Variants in GALNT17 observed in about 807,000 individuals in gnomAD.
GALNT17 encodes polypeptide N-acetylgalactosaminyltransferase 17, also known as UDP-GalNAc:polypeptide N-acetylgalactosaminyltransferase-like 3.
Under a neutral mutation model 63.7 loss-of-function variants are expected in GALNT17, and 29 were observed. That is an observed-to-expected ratio of 0.46 (90% CI 0.34 to 0.62). The LOEUF is 0.62. Among genes scored for constraint, GALNT17 ranks in the 20% least tolerant of loss-of-function variants. GALNT17 has a pLI of 0.01. For missense variants in GALNT17, 603 were observed against 799.6 expected, an observed-to-expected ratio of 0.75 and a Z score of 2.97; for synonymous variants, 305 against 318.3, an observed-to-expected ratio of 0.96 and a Z score of 0.45.
chr7:71,403,840 G>T (rs982726524), intron 3 of GALNT17, among the ~76,000 whole-genome samples: 2 of 152,124 alleles, frequency 1.3e-5, no homozygotes, highest in Admixed American at 1.3e-4. Flanking sequence ...GTTCTGTTTT[G>T]CTCTCTCTTT....
chr7:71,633,069 A>ACT (rs538797586), intron 6 of GALNT17, among the ~76,000 whole-genome samples: 57 of 140,030 alleles, frequency 4.1e-4, no homozygotes, highest in South Asian at 2.5e-3. Flanking sequence ...GCACCACTGC[A>ACT]CTCCAGCCTG....
At chr7:71,519,483 A>T (rs982814349) in intron 5 of GALNT17, among the ~76,000 whole-genome samples, 1 of 151,930 alleles carries the variant, frequency 6.6e-6, no homozygotes, top group African/African-American at 2.4e-5. Context: ...TGGTTTTTTG[A>T]GATGGAGTCT....
intron 4 of GALNT17, 33 bp downstream of exon 4, chr7:71,416,096 A>G (rs767825529): frequency 2.5e-6 from 4 of 1,582,456 alleles, no homozygotes; most frequent in Non-Finnish European, 3.4e-6. Flanking sequence ...GGGGTGCTCA[A>G]GACCTGCATT....
chr7:71,684,008 C>A (rs909880093), intron 9 of GALNT17, among the ~76,000 whole-genome samples: 50 of 121,404 alleles, frequency 4.1e-4, no homozygotes, highest in Non-Finnish European at 5.7e-4. Flanking sequence ...CACTCTGTCT[C>A]AAAAAAAAAA....
At chr7:71,486,086 G>A (rs112510261) in intron 5 of GALNT17, among the ~76,000 whole-genome samples, 27 of 152,150 alleles carry the variant, frequency 1.8e-4, no homozygotes, top group African/African-American at 5.8e-4. Flanking sequence ...CCAGCACTTT[G>A]GGAGACTGGG....
intron 1 of GALNT17, among the ~76,000 whole-genome samples, chr7:71,265,379 C>T (rs1790475938): frequency 6.6e-6 from 1 of 151,712 alleles, no homozygotes; most frequent in Non-Finnish European, 1.5e-5. Context: ...CCCGCCTTGG[C>T]CTCCCAAGGT....
At chr7:71,358,195 G>C (rs1186488684) in intron 2 of GALNT17, among the ~76,000 whole-genome samples, 1 of 152,136 alleles carries the variant, frequency 6.6e-6, no homozygotes, top group African/African-American at 2.4e-5. Flanking sequence ...CGAGCCCACA[G>C]GCGGGAACCA....
At chr7:71,459,267 GA>G (rs933838462) in intron 5 of GALNT17, among the ~76,000 whole-genome samples, 1 of 151,318 alleles carries the variant, frequency 6.6e-6, no homozygotes, top group Non-Finnish European at 1.5e-5. Context: ...GCAGAATACA[GA>G]AAAAAAAAGT....
At chr7:71,689,149 G>A (rs892366441) in intron 9 of GALNT17, among the ~76,000 whole-genome samples, 3 of 152,082 alleles carry the variant, frequency 2.0e-5, no homozygotes, top group Non-Finnish European at 4.4e-5. Context: ...CGGCTCCACT[G>A]TTGGGCCATT....
At chr7:71,175,415 TATC>T (rs1355551964) in intron 1 of GALNT17, among the ~76,000 whole-genome samples, 1 of 152,246 alleles carries the variant, frequency 6.6e-6, no homozygotes, top group Non-Finnish European at 1.5e-5. Flanking sequence ...TCTCTATCTG[TATC>T]ATCTATCTAT....
rs1292568876 is a variant in GALNT17, at chr7:71,265,212, C to T, written c.239-70338C>T. ...CGCGATCTTGGCTCACTGCAACCTC[C>T]GCCTCCTGGGTTCAAGTGATTCTTC... On this transcript the variant is annotated intron_variant, in intron 1 of 10. Coordinates refer to ENST00000333538, the MANE Select transcript of GALNT17 (RefSeq NM_022479.3). 4.1e-5 allele frequency among the ~76,000 whole-genome samples: 6 copies of T among 144,630 alleles called. No homozygotes were observed. In the South Asian group the frequency reaches 6.8e-4, roughly 16 times the overall value. 94.9% of individuals were successfully genotyped at this position (144,630 alleles called of 152,430 possible).
intron 2 of GALNT17, among the ~76,000 whole-genome samples, chr7:71,362,976 T>TC (rs1250181282): frequency 7.5e-4 from 114 of 151,812 alleles, no homozygotes; most frequent in Admixed American, 2.0e-3. Context: ...TTTCTTTCTT[T>TC]TTTTTTTTGA....
At chr7:71,210,081 C>T (rs1789347820) in intron 1 of GALNT17, among the ~76,000 whole-genome samples, 1 of 152,104 alleles carries the variant, frequency 6.6e-6, no homozygotes, top group Admixed American at 6.5e-5. Context: ...TGCCACCATG[C>T]CTGGCTAATT....
intron 6 of GALNT17, among the ~76,000 whole-genome samples, chr7:71,583,446 C>T (rs1180912510): frequency 6.6e-6 from 1 of 152,132 alleles, no homozygotes; most frequent in Admixed American, 6.6e-5. Flanking sequence ...GCCCCCGTAG[C>T]CCCTCCCTAG....
intron 5 of GALNT17, among the ~76,000 whole-genome samples, chr7:71,543,570 A>G (rs757644274): frequency 1.3e-5 from 2 of 152,164 alleles, no homozygotes; most frequent in Non-Finnish European, 2.9e-5. Context: ...AGTATGAAAC[A>G]TGCCTGGAAA....
At chr7:71,670,844 A>G (rs1282710876) in intron 8 of GALNT17, among the ~76,000 whole-genome samples, 1 of 151,950 alleles carries the variant, frequency 6.6e-6, no homozygotes, top group Admixed American at 6.6e-5. Context: ...TGGATACCAG[A>G]GATAACGTGT....
chr7:71,408,691 TAGCG>T, intron 3 of GALNT17, among the ~76,000 whole-genome samples: 1 of 152,030 alleles, frequency 6.6e-6, no homozygotes, highest in Non-Finnish European at 1.5e-5. Context: ...CCGGGTAACA[TAGCG>T]AGACCTCATC....
At chr7:71,438,139 A>G (rs193250994) in intron 5 of GALNT17, among the ~76,000 whole-genome samples, 2 of 152,294 alleles carry the variant, frequency 1.3e-5, no homozygotes, top group East Asian at 1.9e-4. Context: ...AACTAATAAT[A>G]TATGTATGTA....
chr7:71,366,468 T>C (rs549521854), intron 2 of GALNT17, among the ~76,000 whole-genome samples: 43 of 152,110 alleles, frequency 2.8e-4, no homozygotes, highest in South Asian at 1.5e-3. Flanking sequence ...GTAATCCCAG[T>C]TACTCGGGAG....
Sources: gnomAD v4.1 joint callset for allele counts (sites outside exome capture counted in the v4.1 genomes callset) on GRCh38, gnomAD v4.1.1 for gene constraint, MANE v1.5 for transcripts, NCBI Gene and HGNC (gene_info 2026-07-23, HGNC 2026-07-21) for gene names.